NEK11: variants seen among roughly 807,000 people sequenced by gnomAD.
The protein encoded by NEK11 is serine/threonine-protein kinase Nek11.
NEK11 carries 72 observed loss-of-function variants against 80.7 expected under a neutral mutation model. The ratio of observed to expected loss-of-function variants is 0.89; its 90% confidence interval spans 0.74 to 1.08. The LOEUF is 1.08. Among genes scored for constraint, NEK11 ranks in the 50% least tolerant of loss-of-function variants. The probability of loss-of-function intolerance (pLI) is 0.00; values close to 1 mark genes in which losing one functional copy is unlikely to be tolerated. For synonymous variants in NEK11, 251 were observed against 260.7 expected, an observed-to-expected ratio of 0.96 and a Z score of 0.36; for missense variants, 764 against 763.6, an observed-to-expected ratio of 1.00 and a Z score of -0.01.
Position 131,228,518 on chromosome 3 carries a change from A to G in NEK11, c.1400-10A>G. 4.4e-6 allele frequency: 7 copies of G among 1,595,976 alleles called. No homozygotes were observed. Among genetic ancestry groups the G allele is most frequent in the African/African-American group, 2.7e-5 (2 of 74,496 alleles). On this transcript the variant is annotated splice_polypyrimidine_tract_variant and intron_variant, in intron 14 of 17. Transcript: ENST00000383366. ...ACTGGTAGTATCTGACTGTTTGTTCATTATTTCAGAGATCCCAGAAGACCC... is the reference window on the plus strand; with the variant it reads ...ACTGGTAGTATCTGACTGTTTGTTCGTTATTTCAGAGATCCCAGAAGACCC...
chr3:131,241,459 G>A (rs185569639), intron 15 of NEK11, among the ~76,000 whole-genome samples: 3 of 152,118 alleles, frequency 2.0e-5, no homozygotes, highest in East Asian at 1.9e-4. Context: ...TTTTAATAGC[G>A]TCAGAAAAAA....
At chr3:131,062,375 C>T (rs556187990) in intron 3 of NEK11, among the ~76,000 whole-genome samples, 49 of 152,338 alleles carry the variant, frequency 3.2e-4, no homozygotes, top group African/African-American at 1.2e-3. Context: ...CAGACTTTCT[C>T]TCCTCTGCTG....
intron 4 of NEK11, among the ~76,000 whole-genome samples, chr3:131,092,173 G>T (rs945344945): frequency 6.6e-6 from 1 of 152,178 alleles, no homozygotes; most frequent in Admixed American, 6.6e-5. Flanking sequence ...CATCGTCATG[G>T]ACTTTTTTGG....
At chr3:131,145,435 A>G (rs2087965195) in intron 7 of NEK11, among the ~76,000 whole-genome samples, 1 of 152,166 alleles carries the variant, frequency 6.6e-6, no homozygotes, top group African/African-American at 2.4e-5. Context: ...AAAAGACAAA[A>G]GCCAAACTTG....
chr3:131,202,240 G>T (rs149964513), intron 14 of NEK11, among the ~76,000 whole-genome samples: 2 of 152,006 alleles, frequency 1.3e-5, no homozygotes, highest in African/African-American at 2.4e-5. Flanking sequence ...TCATTGGGAC[G>T]GGCTGGACAG....
At chr3:131,116,579 T>C (rs2081270340) in intron 5 of NEK11, among the ~76,000 whole-genome samples, 1 of 152,242 alleles carries the variant, frequency 6.6e-6, no homozygotes, top group South Asian at 2.1e-4. Context: ...TGAACTAGTT[T>C]ACAATCCCAC....
chr3:131,292,368 T>C (rs1190951226), intron 17 of NEK11, among the ~76,000 whole-genome samples: 2 of 152,250 alleles, frequency 1.3e-5, no homozygotes, highest in Admixed American at 6.5e-5. Flanking sequence ...TTTCAAACTT[T>C]GTTTTCAATT....
chr3:131,057,847 A>G (rs889843060), intron 3 of NEK11, among the ~76,000 whole-genome samples: 4 of 151,848 alleles, frequency 2.6e-5, no homozygotes, highest in Admixed American at 6.5e-5. Context: ...TTGCCTGTTC[A>G]CTCTGATGGC....
chr3:131,061,192 A>C (rs1013958339), intron 3 of NEK11, among the ~76,000 whole-genome samples: 2 of 152,176 alleles, frequency 1.3e-5, no homozygotes, highest in African/African-American at 4.8e-5. Flanking sequence ...GCCTTAACTA[A>C]AGATTTTTTA....
At chr3:131,348,017 T>A (rs2097391611) in intron 17 of NEK11, among the ~76,000 whole-genome samples, 1 of 152,210 alleles carries the variant, frequency 6.6e-6, no homozygotes, top group South Asian at 2.1e-4. Flanking sequence ...CAAATATTTA[T>A]ACACTTTGAC....
chr3:131,071,297 G>A (rs1043893161), intron 3 of NEK11, among the ~76,000 whole-genome samples: 1 of 151,998 alleles, frequency 6.6e-6, no homozygotes, highest in African/African-American at 2.4e-5. Context: ...ATAGAAAAAG[G>A]TATATTTATT....
intron 16 of NEK11, among the ~76,000 whole-genome samples, chr3:131,255,066 C>CAGAAAGAAGGAAAGAAAGAA (rs1198130845): frequency 4.4e-5 from 5 of 113,764 alleles, no homozygotes; most frequent in Non-Finnish European, 4.0e-5. Flanking sequence ...GACAGACAGA[C>CAGAAAGAAGGAAAGAAAGAA]AGACAGAAAG....
At chr3:131,340,749 C>T (rs967576873) in intron 17 of NEK11, among the ~76,000 whole-genome samples, 1 of 152,128 alleles carries the variant, frequency 6.6e-6, no homozygotes, top group African/African-American at 2.4e-5. Flanking sequence ...CCTGAGAGTC[C>T]TGAAACCTGG....
chr3:131,082,222 G>A (rs546050693), intron 4 of NEK11, among the ~76,000 whole-genome samples: 4 of 152,256 alleles, frequency 2.6e-5, no homozygotes, highest in Admixed American at 1.3e-4. Context: ...TCACCAATTC[G>A]TGCAAAACTA....
At chr3:131,172,509 T>C (rs1256426075) in intron 14 of NEK11, among the ~76,000 whole-genome samples, 3 of 152,258 alleles carry the variant, frequency 2.0e-5, no homozygotes, top group African/African-American at 7.2e-5. Flanking sequence ...AAAATGGTGC[T>C]ATGGAAGCCA....
chr3:131,158,657 C>T (rs1333368237), intron 10 of NEK11, among the ~76,000 whole-genome samples: 2 of 152,240 alleles, frequency 1.3e-5, no homozygotes, highest in African/African-American at 2.4e-5. Flanking sequence ...ACCACATGCA[C>T]AGTTGCCAGT....
intron 3 of NEK11, among the ~76,000 whole-genome samples, chr3:131,042,079 A>G (rs751550941): frequency 1.2e-4 from 18 of 152,266 alleles, no homozygotes; most frequent in South Asian, 2.1e-4. Flanking sequence ...CTCAGCCACT[A>G]TACCTTTCCC....
chr3:131,098,317 A>G (rs1053814311), intron 4 of NEK11, among the ~76,000 whole-genome samples: 1 of 152,236 alleles, frequency 6.6e-6, no homozygotes, highest in African/African-American at 2.4e-5. Flanking sequence ...TATCTAATTG[A>G]ACTAAAGAGT....
Position 131,210,157 on chromosome 3 carries a change from G to A in NEK11, c.1400-18371G>A, listed in dbSNP as rs543506198. Reference sequence around the variant, plus strand: ...TTTCCCTCTACACACTGCTTTAAATGTGTCCCAGAGATTCTGGTATGTTGT... The same window carrying A: ...TTTCCCTCTACACACTGCTTTAAATATGTCCCAGAGATTCTGGTATGTTGT... On this transcript the variant is annotated intron_variant, in intron 14 of 17. Coordinates refer to ENST00000383366, the MANE Select transcript of NEK11 (RefSeq NM_024800.5). Among the ~76,000 whole-genome samples, 19 of 152,304 alleles carry A rather than the reference G, an allele frequency of 1.2e-4. No individual in the cohort carries two copies. In the East Asian group the frequency reaches 3.7e-3, roughly 29 times the overall value.
Sources: allele counts gnomAD v4.1 joint callset (sites outside exome capture counted in the v4.1 genomes callset), GRCh38; gene constraint gnomAD v4.1.1; transcripts MANE v1.5; gene names NCBI Gene and HGNC (gene_info 2026-07-23, HGNC 2026-07-21).